Variants in LAMC1 observed in about 807,000 individuals in gnomAD.
LAMC1 encodes laminin subunit gamma 1.
In LAMC1, 38 loss-of-function variants were observed where a neutral mutation model predicts 173.6. The ratio of observed to expected loss-of-function variants is 0.22; its 90% confidence interval spans 0.17 to 0.29. LAMC1 has a LOEUF of 0.29. LAMC1 is among the 10% of genes least tolerant of loss of function. The pLI is 1.00. For missense variants in LAMC1, 1,824 were observed against 2,051.8 expected (o/e 0.89, Z 2.14); for synonymous variants, 746 against 749.1 (o/e 1.00, Z 0.07).
At chr1:183,080,836 T>C (rs554881462) in intron 1 of LAMC1, among the ~76,000 whole-genome samples, 299 of 152,316 alleles carry the variant, frequency 2.0e-3, no homozygotes, top group Middle Eastern at 3.4e-3. Flanking sequence ...CAGCTGGCCT[T>C]AGGACAACTG....
chr1:183,085,966 T>G (rs540108584), intron 1 of LAMC1, among the ~76,000 whole-genome samples: 6 of 152,164 alleles, frequency 3.9e-5, no homozygotes, highest in Non-Finnish European at 8.8e-5. Context: ...CTTGGAGTGC[T>G]TGATCCTTAG....
chr1:183,128,573 T>C (rs1394973768), intron 17 of LAMC1, 21 bp from the exon 18 acceptor site: 5 of 1,597,358 alleles, frequency 3.1e-6, no homozygotes, highest in East Asian at 2.2e-5. Context: ...CCTTTCCCTT[T>C]TCTTTCTTCT....
chr1:183,088,506 GTGTA>G (rs1655489974), intron 1 of LAMC1, among the ~76,000 whole-genome samples: 2 of 152,212 alleles, frequency 1.3e-5, no homozygotes, highest in African/African-American at 4.8e-5. Flanking sequence ...AGTTTCAATT[GTGTA>G]TGTATGTGTG....
intron 18 of LAMC1, 135 bp downstream of exon 18, chr1:183,128,885 AT>A (rs1656701822): frequency 1.6e-6 from 1 of 629,376 alleles, no homozygotes; most frequent in Non-Finnish European, 2.3e-6. Context: ...AAATCATTTC[AT>A]TTTTTAAACA....
At chr1:183,127,512 C>A in intron 17 of LAMC1, 108 bp downstream of exon 17, 2 of 925,698 alleles carry the variant, frequency 2.2e-6, no homozygotes, top group Admixed American at 2.4e-5. Context: ...GATGTGGTCC[C>A]TGTTCTTAAA....
At chr1:183,121,421 A>G (rs1656470359) in intron 11 of LAMC1, among the ~76,000 whole-genome samples, 1 of 152,140 alleles carries the variant, frequency 6.6e-6, no homozygotes, top group Non-Finnish European at 1.5e-5. Flanking sequence ...GTGAGACTCC[A>G]TCTCAATAAA....
chr1:183,128,472 A>T (rs80188795), intron 17 of LAMC1, 122 bp from the exon 18 acceptor site: 21 of 91,202 alleles, frequency 2.3e-4, no homozygotes, highest in South Asian at 8.3e-4. Context: ...ATAATAATTA[A>T]AAAAAAAAAA....
chr1:183,122,744 C>T (rs1656511238), intron 13 of LAMC1, among the ~76,000 whole-genome samples: 1 of 152,108 alleles, frequency 6.6e-6, no homozygotes, highest in Non-Finnish European at 1.5e-5. Context: ...TATGGGAGCT[C>T]ACAGAGAAGG....
chr1:183,083,607 C>T (rs916736841), intron 1 of LAMC1, among the ~76,000 whole-genome samples: 1 of 151,980 alleles, frequency 6.6e-6, no homozygotes. Flanking sequence ...ATCATTTTTC[C>T]TTTTAGAAGT....
At chr1:183,074,249 G>A (rs1655075903) in intron 1 of LAMC1, among the ~76,000 whole-genome samples, 1 of 152,198 alleles carries the variant, frequency 6.6e-6, no homozygotes, top group Admixed American at 6.5e-5. Flanking sequence ...CAAAAAAACA[G>A]TGAATTTAAT....
At chr1:183,085,443 G>C (rs2102054218) in intron 1 of LAMC1, among the ~76,000 whole-genome samples, 1 of 152,136 alleles carries the variant, frequency 6.6e-6, no homozygotes, top group East Asian at 1.9e-4. Flanking sequence ...ACTCACTGCA[G>C]CCTCGACCTC....
chr1:183,077,140 A>G (rs1571424892), intron 1 of LAMC1, among the ~76,000 whole-genome samples: 3 of 152,194 alleles, frequency 2.0e-5, no homozygotes, highest in Admixed American at 6.5e-5. Context: ...AAGGAAAACA[A>G]TCTCAAACCC....
At chr1:183,139,416 A>G (rs1004363616) in intron 26 of LAMC1, among the ~76,000 whole-genome samples, 1 of 152,206 alleles carries the variant, frequency 6.6e-6, no homozygotes, top group African/African-American at 2.4e-5. Flanking sequence ...ACCACAGGTT[A>G]AATGCAGGTG....
Position 183,115,646 on chromosome 1 carries a change from T to C in LAMC1, c.1328+9T>C. The C allele has an allele frequency of 1.3e-6, 2 of 1,576,314 alleles. No individual in the cohort carries two copies. Among genetic ancestry groups the C allele is most frequent in the Non-Finnish European group, 1.7e-6 (2 of 1,145,542 alleles). On this transcript the variant is annotated intron_variant, in intron 6 of 27. Coordinates refer to ENST00000258341, the MANE Select transcript of LAMC1 (RefSeq NM_002293.4). Reference sequence around the variant, plus strand: ...ACTGAAGCAGGATGCAGGTAAAATATTTTCAAAGCCAGAAGAAGGGGGCAG... The same window carrying C: ...ACTGAAGCAGGATGCAGGTAAAATACTTTCAAAGCCAGAAGAAGGGGGCAG...
intron 1 of LAMC1, among the ~76,000 whole-genome samples, chr1:183,057,908 T>C (rs1430086425): frequency 6.6e-6 from 1 of 152,164 alleles, no homozygotes; most frequent in Admixed American, 6.5e-5. Flanking sequence ...ACTAAACATA[T>C]TATATATTTT....
At chr1:183,048,688 A>T (rs1654332172) in intron 1 of LAMC1, among the ~76,000 whole-genome samples, 1 of 152,198 alleles carries the variant, frequency 6.6e-6, no homozygotes, top group South Asian at 2.1e-4. Context: ...TATATAATTT[A>T]TGAGTTTTAT....
chr1:183,080,670 G>A (rs1288704809), intron 1 of LAMC1, among the ~76,000 whole-genome samples: 1 of 151,972 alleles, frequency 6.6e-6, no homozygotes, highest in African/African-American at 2.4e-5. Context: ...ATACTCAGTA[G>A]CTAGTTAAAT....
In LAMC1 at chr1:183,128,757, A is replaced by G; in HGVS notation, c.3280+7A>G. ...GAGGCCCAGGATGTCAAAGGTACGC[A>G]TGATTGAACAGTGCATGACTTCTGT... On this transcript the variant is annotated splice_region_variant and intron_variant, in intron 18 of 27. Coordinates refer to ENST00000258341, the MANE Select transcript of LAMC1 (RefSeq NM_002293.4). 2 of 1,611,728 alleles carry G rather than the reference A, an allele frequency of 1.2e-6. No homozygotes were observed. The highest frequency in any genetic ancestry group is 1.7e-6 in the Non-Finnish European group (2 of 1,178,508).
chr1:183,108,495 C>T (rs1335753407), intron 3 of LAMC1, 89 bp downstream of exon 3: 42 of 1,167,202 alleles, frequency 3.6e-5, no homozygotes, highest in Non-Finnish European at 4.7e-5. Context: ...ATGTTAATAC[C>T]GTTGTTAGAT....
Sources: allele counts gnomAD v4.1 joint callset (sites outside exome capture counted in the v4.1 genomes callset), GRCh38; gene constraint gnomAD v4.1.1; transcripts MANE v1.5; gene names NCBI Gene and HGNC (gene_info 2026-07-23, HGNC 2026-07-21).